The following SPOP variants were observed in gnomAD, a reference collection of about 807,000 sequenced individuals.
SPOP encodes the protein speckle-type POZ protein.
SPOP carries 11 observed loss-of-function variants against 45.6 expected under a neutral mutation model. That is an observed-to-expected ratio of 0.24 (90% CI 0.15 to 0.40). The LOEUF is 0.40. Ranked by LOEUF, SPOP falls within the 10% of genes least tolerant of loss-of-function variation. The pLI is 1.00. For missense variants in SPOP, 152 were observed against 465.6 expected (o/e 0.33, Z 6.20); for synonymous variants, 166 against 166.3 (o/e 1.00, Z 0.01).
In SPOP at chr17:49,599,958, A is replaced by G. The variant is rs900210620; in HGVS notation, c.*420T>C. 9 of 231,284 alleles carry G rather than the reference A, an allele frequency of 3.9e-5. No individual in the cohort carries two copies. The highest frequency in any genetic ancestry group is 2.0e-4 in the African/African-American group (9 of 44,888). The allele number at this position is 231,284 out of a possible 1,614,324, so 14.3% of individuals were successfully genotyped here. On this transcript the variant is annotated 3_prime_UTR_variant, in exon 10 of 10. Coordinates refer to ENST00000504102, the MANE Select transcript of SPOP (RefSeq NM_001007228.2). ...CTGATTTTTGAGAAATTCTGCAAAA[A>G]TCTTTTCTTCTTTCCTTTTCCCTTC... is the stretch of plus-strand genomic sequence containing the variant.
At chr17:49,665,643 T>A (rs1717886528) in intron 1 of SPOP, among the ~76,000 whole-genome samples, 1 of 90,618 alleles carries the variant, frequency 1.1e-5, no homozygotes. Context: ...ATTATATATA[T>A]ATACAGACAC....
intron 1 of SPOP, among the ~76,000 whole-genome samples, chr17:49,667,598 A>G (rs1257965184): frequency 6.6e-6 from 1 of 152,180 alleles, no homozygotes; most frequent in Admixed American, 6.5e-5. Context: ...CAACAGGAAA[A>G]AAAGAAAAAG....
At chr17:49,673,605 T>C (rs2073164793) in intron 1 of SPOP, among the ~76,000 whole-genome samples, 1 of 152,220 alleles carries the variant, frequency 6.6e-6, no homozygotes, top group African/African-American at 2.4e-5. Context: ...ATAAAGGTGA[T>C]AATTGTACTA....
intron 9 of SPOP, 195 bp downstream of exon 9, chr17:49,601,670 A>C: frequency 1.6e-6 from 1 of 628,850 alleles, no homozygotes; most frequent in African/African-American, 1.8e-5. Flanking sequence ...GAAGTAAAAC[A>C]CTTTACTCAC....
chr17:49,601,684 T>C lies in SPOP; in HGVS notation c.980+181A>G, dbSNP rs538930481. The C allele has an allele frequency of 4.9e-5, 34 of 696,336 alleles. No homozygotes were observed. In the Admixed American group the frequency reaches 7.3e-4, roughly 15 times the overall value. 43.1% of individuals were successfully genotyped at this position (696,336 alleles called of 1,614,324 possible). ...GGAAGTAAAACACTTTACTCACCAA[T>C]AGGATTCAACCCATGAAGTCAATTC... On this transcript the variant is annotated intron_variant, in intron 9 of 9. Transcript: ENST00000504102.
intron 1 of SPOP, among the ~76,000 whole-genome samples, chr17:49,632,374 A>T (rs1161117701): frequency 6.6e-6 from 1 of 152,236 alleles, no homozygotes; most frequent in Non-Finnish European, 1.5e-5. Flanking sequence ...TCCTGAATCC[A>T]CAAGACAATA....
At chr17:49,669,992 G>A (rs2073117396) in intron 1 of SPOP, among the ~76,000 whole-genome samples, 1 of 152,000 alleles carries the variant, frequency 6.6e-6, no homozygotes, top group Non-Finnish European at 1.5e-5. Flanking sequence ...TACTGACATG[G>A]CAAGGAGATT....
Position 49,619,031 on chromosome 17 carries a change from CCAAAAGAAA to C in SPOP, c.421_429del (p.Phe141_Leu143del). The C allele has an allele frequency of 6.2e-7, 1 of 1,614,112 alleles. No individual in the cohort carries two copies. Among genetic ancestry groups the C allele is most frequent in the Non-Finnish European group, 8.5e-7 (1 of 1,180,018 alleles). On this transcript the variant is annotated inframe_deletion, in exon 5 of 10. Transcript: ENST00000504102. This position sits in a 1 kb window ranked among gnomAD's most constrained non-coding sequence, Gnocchi z 4.9. ...TCAGGGAGAAGCCCGTTGGCCTCAT[CCAAAAGAAA>C]ATCTCTACGGATGAATTTCTTGAAT...
intron 1 of SPOP, among the ~76,000 whole-genome samples, chr17:49,640,854 G>A (rs1329686584): frequency 3.3e-5 from 5 of 152,106 alleles, no homozygotes; most frequent in East Asian, 1.9e-4. Flanking sequence ...AGCATTGTAC[G>A]TGTCATTTTC....
intron 1 of SPOP, among the ~76,000 whole-genome samples, chr17:49,643,975 G>C (rs1285190910): frequency 6.7e-6 from 1 of 149,386 alleles, no homozygotes; most frequent in Non-Finnish European, 1.5e-5. Flanking sequence ...TTAAAAAGTA[G>C]TAAAAGAAAG....
At position 49,645,363 on chromosome 17, in the gene SPOP, G is replaced by A. The variant is rs183019211; in HGVS notation, c.-66-22487C>T. Reference sequence around the variant, plus strand: ...CACCCAGGCTGGAGTACAGTGATTCGATCTCTGCTCACTGCAACCTCTGCC... The same window carrying A: ...CACCCAGGCTGGAGTACAGTGATTCAATCTCTGCTCACTGCAACCTCTGCC... On this transcript the variant is annotated intron_variant, in intron 1 of 9. Transcript: ENST00000504102. Among the ~76,000 whole-genome samples, 15 of 151,108 alleles carry A rather than the reference G, an allele frequency of 9.9e-5. No individual in the cohort carries two copies. The East Asian group carries it at 2.5e-3, about 26-fold the overall frequency.
In SPOP at chr17:49,615,802, T is replaced by C. The variant is rs1567775896; in HGVS notation, c.480+3179A>G. Among the ~76,000 whole-genome samples, 4 of 151,938 alleles carry C rather than the reference T, an allele frequency of 2.6e-5. No individual in the cohort carries two copies. The East Asian group carries it at 7.7e-4, about 29-fold the overall frequency. On this transcript the variant is annotated intron_variant, in intron 5 of 9. Coordinates refer to ENST00000504102, the MANE Select transcript of SPOP (RefSeq NM_001007228.2). ...TTAGTGTAGTGCAGCGGACTAGAGA[T>C]AGAAAATAGGGAGCTGACATGACCC...
At chr17:49,604,610 T>G (rs545861387) in intron 8 of SPOP, among the ~76,000 whole-genome samples, 1 of 152,212 alleles carries the variant, frequency 6.6e-6, no homozygotes, top group Non-Finnish European at 1.5e-5. Context: ...GAGGTGCTTT[T>G]GGCAGATAAC....
chr17:49,675,294 G>C (rs1316317802), intron 1 of SPOP, among the ~76,000 whole-genome samples: 3 of 152,168 alleles, frequency 2.0e-5, no homozygotes. Context: ...CTTTCAAAAA[G>C]GAAGAGGGAC....
chr17:49,648,641 C>T (rs747078049), intron 1 of SPOP, among the ~76,000 whole-genome samples: 2 of 152,204 alleles, frequency 1.3e-5, no homozygotes, highest in Non-Finnish European at 2.9e-5. Flanking sequence ...AGACTCAGAA[C>T]CTAGACAATG....
chr17:49,601,716 G>T, intron 9 of SPOP, 149 bp downstream of exon 9: 1 of 977,008 alleles, frequency 1.0e-6, no homozygotes, highest in Non-Finnish European at 1.5e-6. Context: ...ATTCCATACG[G>T]TCAACTGAAG....
At chr17:49,622,197 T>A in intron 2 of SPOP, 130 bp from the exon 3 acceptor site, 1 of 1,178,294 alleles carries the variant, frequency 8.5e-7, no homozygotes, top group Non-Finnish European at 1.2e-6. Flanking sequence ...GTTTTCAGGT[T>A]TTTCTCACCT....
intron 9 of SPOP, chr17:49,601,265 G>A (rs896090793): frequency 4.6e-5 from 7 of 152,376 alleles, no homozygotes; most frequent in African/African-American, 1.5e-4. Flanking sequence ...ATGGGGCAAG[G>A]GAGTAGAACA....
intron 1 of SPOP, among the ~76,000 whole-genome samples, chr17:49,675,544 G>C (rs1469341534): frequency 6.6e-6 from 1 of 152,158 alleles, no homozygotes; most frequent in Non-Finnish European, 1.5e-5. Context: ...CACTCTCTGT[G>C]TACCTTTTGA....
Sources: allele counts gnomAD v4.1 joint callset (sites outside exome capture counted in the v4.1 genomes callset), GRCh38; gene constraint gnomAD v4.1.1; non-coding constraint Gnocchi (gnomAD v3.1); transcripts MANE v1.5; gene names NCBI Gene and HGNC (gene_info 2026-07-23, HGNC 2026-07-21).